PIK3C2G: variants seen among roughly 807,000 people sequenced by gnomAD.
PIK3C2G encodes the protein phosphatidylinositol 3-kinase C2 domain-containing subunit gamma.
PIK3C2G carries 168 observed loss-of-function variants against 181.1 expected under a neutral mutation model. The ratio of observed to expected loss-of-function variants is 0.93; its 90% CI spans 0.82 to 1.05. PIK3C2G has a LOEUF of 1.05. Among genes scored for constraint, PIK3C2G ranks in the 50% least tolerant of loss-of-function variants. PIK3C2G has a pLI of 0.00. For synonymous variants in PIK3C2G, 573 were observed against 592.2 expected (o/e 0.97, Z 0.47); for missense variants, 1,869 against 1,732.8 (o/e 1.08, Z -1.40).
the PIK3C2G span, among the ~76,000 whole-genome samples, chr12:18,658,266 A>G: frequency 6.6e-6 from 1 of 152,174 alleles, no homozygotes; most frequent in African/African-American, 2.4e-5. Context: ...AAAAGATAAA[A>G]GGACAGAAAG....
At chr12:18,672,467 A>AG in the PIK3C2G span, among the ~76,000 whole-genome samples, 1 of 152,196 alleles carries the variant, frequency 6.6e-6, no homozygotes, top group East Asian at 1.9e-4. Flanking sequence ...TTGAAAAAAA[A>AG]CTGGTATAAA....
intron 16 of PIK3C2G, among the ~76,000 whole-genome samples, chr12:18,419,878 C>G (rs189383351): frequency 1.3e-5 from 2 of 152,158 alleles, no homozygotes; most frequent in East Asian, 3.9e-4. Flanking sequence ...GGCATAGTTC[C>G]CATTTAACCC....
chr12:18,645,303 TAAC>T (rs34428122), intron 32 of PIK3C2G, among the ~76,000 whole-genome samples: 25,709 of 152,014 alleles, frequency 0.17, 2,697 homozygotes, highest in African/African-American at 0.29. Context: ...ACTTACTATT[TAAC>T]AACATCATGG....
intron 14 of PIK3C2G, among the ~76,000 whole-genome samples, chr12:18,387,672 TC>T (rs1291463668): frequency 6.6e-6 from 1 of 152,162 alleles, no homozygotes; most frequent in Non-Finnish European, 1.5e-5. Context: ...TCTTCTATGT[TC>T]ACGTAATACC....
chr12:18,642,583 A>C (rs976787024), intron 32 of PIK3C2G, among the ~76,000 whole-genome samples: 1 of 152,156 alleles, frequency 6.6e-6, no homozygotes, highest in Non-Finnish European at 1.5e-5. Flanking sequence ...GACTGACCTC[A>C]GATGTGAACT....
intron 31 of PIK3C2G, 80 bp from the exon 32 acceptor site, chr12:18,640,349 G>A: frequency 8.4e-7 from 1 of 1,186,208 alleles, no homozygotes; most frequent in South Asian, 1.5e-5. Flanking sequence ...TCCTGCCTTT[G>A]GTCTGGATAT....
At chr12:18,639,470 A>G (rs3900088) in intron 31 of PIK3C2G, among the ~76,000 whole-genome samples, 66,774 of 151,910 alleles carry the variant, frequency 0.44, 15,203 homozygotes, top group East Asian at 0.61. Context: ...TTTACTTTTA[A>G]ATCATCTGCT....
chr12:18,594,648 C>A, intron 30 of PIK3C2G, 79 bp downstream of exon 30: 1 of 676,314 alleles, frequency 1.5e-6, no homozygotes, highest in South Asian at 2.6e-5. Context: ...TAATTTTTTT[C>A]AATTTTTCAA....
At chr12:18,562,664 G>T in intron 26 of PIK3C2G, 39 bp from the exon 27 acceptor site, 1 of 1,200,108 alleles carries the variant, frequency 8.3e-7, no homozygotes, top group Non-Finnish European at 1.2e-6. Context: ...TAGATGCAGA[G>T]GAGTGTCACT....
the PIK3C2G span, among the ~76,000 whole-genome samples, chr12:18,666,798 AC>A: frequency 6.6e-6 from 1 of 152,228 alleles, no homozygotes; most frequent in Non-Finnish European, 1.5e-5. Context: ...AGGATAGACC[AC>A]ATATTAGGTT....
chr12:18,574,324 C>T (rs1212140396), intron 29 of PIK3C2G, among the ~76,000 whole-genome samples: 2 of 152,196 alleles, frequency 1.3e-5, no homozygotes, highest in African/African-American at 4.8e-5. Flanking sequence ...ATCTTGATAA[C>T]TTTAATGTCA....
the PIK3C2G span, among the ~76,000 whole-genome samples, chr12:18,654,824 ATC>A: frequency 3.9e-5 from 6 of 152,178 alleles, no homozygotes; most frequent in Non-Finnish European, 8.8e-5. Flanking sequence ...CACCGACTTC[ATC>A]TCTCTTAATG....
chr12:18,517,458 A>T (rs547253451), intron 24 of PIK3C2G, among the ~76,000 whole-genome samples: 13 of 152,280 alleles, frequency 8.5e-5, no homozygotes, highest in African/African-American at 3.1e-4. Context: ...ATCCCTTGTT[A>T]ACTGTATTCC....
intron 8 of PIK3C2G, among the ~76,000 whole-genome samples, chr12:18,325,629 A>C (rs1591960079): frequency 6.8e-6 from 1 of 148,148 alleles, no homozygotes; most frequent in African/African-American, 2.5e-5. Flanking sequence ...AATAGCTTGA[A>C]CCCGGGAGGT....
chr12:18,460,485 A>C (rs1275681438), intron 18 of PIK3C2G, among the ~76,000 whole-genome samples: 2 of 151,886 alleles, frequency 1.3e-5, no homozygotes, highest in Non-Finnish European at 2.9e-5. Context: ...GAGACAGGAG[A>C]GTCGCTTGAA....
chr12:18,266,099 T>A (rs1254107221), intron 1 of PIK3C2G, among the ~76,000 whole-genome samples: 1 of 151,334 alleles, frequency 6.6e-6, no homozygotes, highest in Non-Finnish European at 1.5e-5. Context: ...TAACTGCTTA[T>A]ATTTATCATC....
At chr12:18,618,946 G>A (rs1948724133) in intron 31 of PIK3C2G, among the ~76,000 whole-genome samples, 2 of 152,030 alleles carry the variant, frequency 1.3e-5, no homozygotes, top group South Asian at 4.1e-4. Context: ...AGAAGATTGG[G>A]AGTCTGTTGG....
chr12:18,252,817 G>C (rs760445325), intron 1 of PIK3C2G, among the ~76,000 whole-genome samples: 2 of 152,164 alleles, frequency 1.3e-5, no homozygotes, highest in African/African-American at 2.4e-5. Context: ...TGCTTCAGGG[G>C]AGAAGGGCAG....
intron 24 of PIK3C2G, among the ~76,000 whole-genome samples, chr12:18,534,918 G>A (rs2136229901): frequency 6.6e-6 from 1 of 151,598 alleles, no homozygotes; most frequent in East Asian, 1.9e-4. Context: ...GAAAAAAAAA[G>A]TTAGGATTGT....
Sources: allele counts gnomAD v4.1 joint callset (sites outside exome capture counted in the v4.1 genomes callset), GRCh38; gene constraint gnomAD v4.1.1; transcripts MANE v1.5; gene names NCBI Gene and HGNC (gene_info 2026-07-23, HGNC 2026-07-21).